AGPAT3: variants seen among roughly 807,000 people sequenced by gnomAD.
AGPAT3 encodes 1-acylglycerol-3-phosphate O-acyltransferase 3.
AGPAT3 carries 5 observed loss-of-function variants against 47.3 expected under a neutral mutation model. That is an observed-to-expected ratio of 0.11 (90% confidence interval 0.06 to 0.22). AGPAT3 has a LOEUF of 0.22. Ranked by LOEUF, AGPAT3 falls within the 10% of genes least tolerant of loss-of-function variation. AGPAT3 has a pLI of 1.00. For missense variants in AGPAT3, 315 were observed against 493.0 expected (o/e 0.64, Z 3.42); for synonymous variants, 212 against 208.3 (o/e 1.02, Z -0.15).
chr21:43,902,960 A>G (rs2086392702), intron 1 of AGPAT3, among the ~76,000 whole-genome samples: 1 of 152,192 alleles, frequency 6.6e-6, no homozygotes, highest in Non-Finnish European at 1.5e-5. Context: ...TGATTGTGCC[A>G]CGGCGACTCC....
rs922669486 is a variant in AGPAT3 at position 43,985,560 on chromosome 21, C to A, written c.*3168C>A. On this transcript the variant is annotated 3_prime_UTR_variant, in exon 10 of 10. Coordinates refer to ENST00000291572, the MANE Select transcript of AGPAT3 (RefSeq NM_020132.5). ...ATTTGAAGGAAAAGCCGTGGTTGGA[C>A]CCAGCTGTGTGTTTCACTCACGTGC... 1 of 271,504 alleles carries A rather than the reference C, an allele frequency of 3.7e-6. No homozygotes were observed. The highest frequency in any genetic ancestry group is 7.2e-6 in the Non-Finnish European group (1 of 138,944). 16.8% of individuals were successfully genotyped at this position (271,504 alleles called of 1,614,324 possible).
chr21:43,964,252 G>C (rs984799025), intron 3 of AGPAT3, among the ~76,000 whole-genome samples: 1 of 152,170 alleles, frequency 6.6e-6, no homozygotes, highest in East Asian at 1.9e-4. Flanking sequence ...TGGCATGGTG[G>C]TGGGCACCTG....
chr21:43,913,018 T>C (rs1009557870), intron 2 of AGPAT3, among the ~76,000 whole-genome samples: 2 of 152,182 alleles, frequency 1.3e-5, no homozygotes, highest in Non-Finnish European at 1.5e-5. Flanking sequence ...GTGTAATATT[T>C]AGTACTGGCC....
chr21:43,946,591 C>G (rs1222641139), intron 2 of AGPAT3, among the ~76,000 whole-genome samples: 1 of 146,812 alleles, frequency 6.8e-6, no homozygotes, highest in Non-Finnish European at 1.5e-5. Context: ...CAAAACAAGA[C>G]TCCTTCTTAA....
Position 43,876,347 on chromosome 21 carries a change from C to A in AGPAT3, c.-112+11002C>A, listed in dbSNP as rs76908443. On this transcript the variant is annotated intron_variant, in intron 1 of 9. Coordinates refer to ENST00000291572, the MANE Select transcript of AGPAT3 (RefSeq NM_020132.5). ...CCACTTGTTCTGCTACCTCTTGCTC[C>A]CTGATCCTTGCCTGTCACACACTTT... is the stretch of plus-strand genomic sequence containing the variant. Among the ~76,000 whole-genome samples, 875 of 152,292 alleles carry A rather than the reference C, an allele frequency of 5.7e-3. 8 individuals are homozygous for A. Among genetic ancestry groups the A allele is most frequent in the African/African-American group, 0.02 (817 of 41,552 alleles).
chr21:43,951,271 A>G (rs2088180207), intron 2 of AGPAT3, among the ~76,000 whole-genome samples: 1 of 152,214 alleles, frequency 6.6e-6, no homozygotes, highest in Admixed American at 6.5e-5. Flanking sequence ...TCAGTTCCCC[A>G]TTATGGACTT....
intron 1 of AGPAT3, chr21:43,866,578 C>G (rs944922731): frequency 2.6e-5 from 4 of 152,220 alleles, no homozygotes; most frequent in Non-Finnish European, 5.9e-5. Flanking sequence ...TTGCCGCCCC[C>G]CCTCCCTCTT....
intron 2 of AGPAT3, among the ~76,000 whole-genome samples, chr21:43,917,733 C>T (rs1001720639): frequency 2.8e-4 from 43 of 151,312 alleles, no homozygotes; most frequent in African/African-American, 8.8e-4. Context: ...CCTTATCTAC[C>T]GGGTGGTCGA....
At chr21:43,873,159 T>C (rs1460747154) in intron 1 of AGPAT3, among the ~76,000 whole-genome samples, 1 of 152,040 alleles carries the variant, frequency 6.6e-6, no homozygotes, top group East Asian at 1.9e-4. Context: ...GGGGACATGC[T>C]GAGGTGCTCA....
In AGPAT3 at chr21:43,959,835, C is replaced by T. The variant is rs201739855; in HGVS notation, c.154C>T (p.Arg52Cys). The T allele has an allele frequency of 1.4e-4, 232 of 1,610,410 alleles. No individual in the cohort carries two copies. The highest frequency in any genetic ancestry group is 6.9e-4 in the East Asian group (31 of 44,872). The change falls in exon 3 of 10, where the codon CGC becomes TGC. Residue 52 changes from arginine to cysteine, a missense_variant. Arg to Cys is a radical substitution (Grantham distance 180). Coordinates refer to ENST00000291572, the MANE Select transcript of AGPAT3 (RefSeq NM_020132.5). Reference protein sequence around the residue: ...SKQLYRRLNCRLAYSLWSQLV... With the variant: ...SKQLYRRLNCCLAYSLWSQLV... ...GCAGCTCTACCGCCGCCTCAACTGC[C>T]GCCTCGCCTACTCACTCTGGAGCCG... is the stretch of plus-strand genomic sequence containing the variant.
chr21:43,896,775 TTGTC>T (rs1483594913), intron 1 of AGPAT3, among the ~76,000 whole-genome samples: 9 of 152,226 alleles, frequency 5.9e-5, no homozygotes, highest in African/African-American at 1.7e-4. Flanking sequence ...CTTTCAGACT[TTGTC>T]TGGAATTAAT....
intron 7 of AGPAT3, among the ~76,000 whole-genome samples, chr21:43,971,848 C>T (rs2089409789): frequency 6.6e-6 from 1 of 152,250 alleles, no homozygotes; most frequent in Non-Finnish European, 1.5e-5. Context: ...CTGTAGTTCC[C>T]TCTGTAAGAT....
At chr21:43,937,702 C>T (rs546642908) in intron 2 of AGPAT3, among the ~76,000 whole-genome samples, 24 of 152,242 alleles carry the variant, frequency 1.6e-4, no homozygotes, top group South Asian at 6.2e-4. Flanking sequence ...GAATTACAGG[C>T]GTGAGCCACC....
At chr21:43,911,098 G>A (rs1048326394) in intron 2 of AGPAT3, among the ~76,000 whole-genome samples, 11 of 152,166 alleles carry the variant, frequency 7.2e-5, no homozygotes, top group Admixed American at 1.3e-4. Flanking sequence ...TACATACACC[G>A]ACAGAGTTTC....
rs1275270424 is a variant in AGPAT3 at position 43,922,800 on chromosome 21, T to G, written c.-49+18781T>G. On this transcript the variant is annotated intron_variant, in intron 2 of 9. Coordinates refer to ENST00000291572, the MANE Select transcript of AGPAT3 (RefSeq NM_020132.5). This position sits in a 1 kb window ranked among gnomAD's most constrained non-coding sequence, Gnocchi z 4.9. ...GCTCAGGAGCCACGTGCCAGGCAGG[T>G]CACTCCGTCAGCATAGGGGCTGCCA... 2.0e-5 allele frequency among the ~76,000 whole-genome samples: 3 copies of G among 151,878 alleles called. No homozygotes were observed. The highest frequency in any genetic ancestry group is 7.3e-5 in the African/African-American group (3 of 41,306).
At chr21:43,882,215 A>G (rs2085868918) in intron 1 of AGPAT3, among the ~76,000 whole-genome samples, 1 of 152,232 alleles carries the variant, frequency 6.6e-6, no homozygotes, top group Non-Finnish European at 1.5e-5. Context: ...CCTTTGCATA[A>G]TGGAGGTAAT....
intron 1 of AGPAT3, among the ~76,000 whole-genome samples, chr21:43,865,748 C>T (rs2085490033): frequency 1.3e-5 from 2 of 151,878 alleles, no homozygotes; most frequent in East Asian, 1.9e-4. Flanking sequence ...CCCATCCCTC[C>T]GTCCTGGACT....
chr21:43,904,548 G>C (rs1242778101), intron 2 of AGPAT3, among the ~76,000 whole-genome samples: 3 of 152,122 alleles, frequency 2.0e-5, no homozygotes, highest in African/African-American at 7.2e-5. Context: ...CCCTGCTCTT[G>C]GGGGTTGGTG....
At chr21:43,926,604 C>T (rs2087059973) in intron 2 of AGPAT3, among the ~76,000 whole-genome samples, 1 of 144,894 alleles carries the variant, frequency 6.9e-6, no homozygotes, top group Non-Finnish European at 1.5e-5. Context: ...CTGTGTCGTG[C>T]TGCTGGGGTA....
Sources: allele counts gnomAD v4.1 joint callset (sites outside exome capture counted in the v4.1 genomes callset), GRCh38; gene constraint gnomAD v4.1.1; non-coding constraint Gnocchi (gnomAD v3.1); transcripts MANE v1.5; gene names NCBI Gene and HGNC (gene_info 2026-07-23, HGNC 2026-07-21).